Variants in HS3ST5 observed in about 807,000 individuals in gnomAD.
The protein encoded by HS3ST5 is heparan sulfate-glucosamine 3-sulfotransferase 5.
Under a neutral mutation model 25.4 loss-of-function variants are expected in HS3ST5, and 10 were observed. The observed-to-expected ratio is 0.39, with a 90% CI of 0.24 to 0.67. The LOEUF (loss-of-function observed/expected upper bound fraction) is 0.67. Among genes scored for constraint, HS3ST5 ranks in the 30% least tolerant of loss-of-function variants. The pLI, the probability that HS3ST5 is intolerant of heterozygous loss-of-function variation, is 0.44. For missense variants in HS3ST5, 324 were observed against 420.7 expected, an observed-to-expected ratio of 0.77 and a Z score of 2.01; for synonymous variants, 170 against 162.4, an observed-to-expected ratio of 1.05 and a Z score of -0.36.
At chr6:114,161,813 C>T (rs748459681) in intron 3 of HS3ST5, among the ~76,000 whole-genome samples, 3 of 150,968 alleles carry the variant, frequency 2.0e-5, no homozygotes, top group East Asian at 2.0e-4. Context: ...TGGAAAGTAA[C>T]GTAATTATTA....
intron 1 of HS3ST5, among the ~76,000 whole-genome samples, chr6:114,232,634 C>T (rs1438672371): frequency 6.6e-6 from 1 of 152,160 alleles, no homozygotes; most frequent in Non-Finnish European, 1.5e-5. Context: ...GTAAACAGCC[C>T]CATCAGTCAT....
chr6:114,295,584 T>C (rs1774783169), intron 1 of HS3ST5, among the ~76,000 whole-genome samples: 1 of 152,212 alleles, frequency 6.6e-6, no homozygotes, highest in Non-Finnish European at 1.5e-5. Flanking sequence ...GATTGTTGTA[T>C]AATAAGGTCA....
chr6:114,217,563 C>A (rs929502784), intron 2 of HS3ST5, among the ~76,000 whole-genome samples: 3 of 152,126 alleles, frequency 2.0e-5, no homozygotes, highest in African/African-American at 7.2e-5. Flanking sequence ...CAAGAGAGAC[C>A]ATTTGGAATA....
intron 3 of HS3ST5, among the ~76,000 whole-genome samples, chr6:114,107,569 G>A (rs1776055160): frequency 6.6e-6 from 1 of 152,164 alleles, no homozygotes; most frequent in East Asian, 1.9e-4. Context: ...GATTGGATAG[G>A]GAGTGGTAAA....
chr6:114,128,289 A>G (rs887455219), intron 3 of HS3ST5, among the ~76,000 whole-genome samples: 1 of 152,320 alleles, frequency 6.6e-6, no homozygotes, highest in Non-Finnish European at 1.5e-5. Context: ...TGATTATTTT[A>G]TGTAAATACA....
At chr6:114,313,822 T>C (rs1775637678) in intron 1 of HS3ST5, among the ~76,000 whole-genome samples, 1 of 152,192 alleles carries the variant, frequency 6.6e-6, no homozygotes, top group South Asian at 2.1e-4. Context: ...GATCGAGTAA[T>C]TAAAATCAGA....
intron 1 of HS3ST5, among the ~76,000 whole-genome samples, chr6:114,326,151 G>A (rs532484088): frequency 5.9e-5 from 9 of 151,590 alleles, no homozygotes; most frequent in African/African-American, 1.7e-4. Flanking sequence ...TCCTTTGGGA[G>A]GGTGAACTGG....
chr6:114,277,383 G>A (rs1246812897), intron 1 of HS3ST5, among the ~76,000 whole-genome samples: 1 of 146,290 alleles, frequency 6.8e-6, no homozygotes, highest in Admixed American at 6.8e-5. Flanking sequence ...TTTACAAGAG[G>A]AAATATTAGG....
chr6:114,252,145 C>T (rs1772692520), intron 1 of HS3ST5, among the ~76,000 whole-genome samples: 2 of 126,762 alleles, frequency 1.6e-5, no homozygotes, highest in South Asian at 5.2e-4. Context: ...GAAAGTTGTT[C>T]AGGCTCATCT....
intron 1 of HS3ST5, among the ~76,000 whole-genome samples, chr6:114,309,578 C>T (rs1383355089): frequency 6.6e-6 from 1 of 152,058 alleles, no homozygotes; most frequent in Non-Finnish European, 1.5e-5. Context: ...ATTAAAAATA[C>T]AAAAATTAAC....
At chr6:114,244,234 C>T (rs1357653652) in intron 1 of HS3ST5, among the ~76,000 whole-genome samples, 6 of 152,142 alleles carry the variant, frequency 3.9e-5, no homozygotes, top group African/African-American at 9.7e-5. Context: ...TTTAGCAATA[C>T]CATCTCTCTT....
chr6:114,339,167 A>G (rs189670976), intron 1 of HS3ST5, among the ~76,000 whole-genome samples: 6 of 152,306 alleles, frequency 3.9e-5, no homozygotes, highest in Admixed American at 3.9e-4. Context: ...AATGAAATAT[A>G]GAAATATTCA....
chr6:114,092,682 T>G (rs1043725158), intron 3 of HS3ST5, among the ~76,000 whole-genome samples: 1 of 151,316 alleles, frequency 6.6e-6, no homozygotes, highest in African/African-American at 2.4e-5. Context: ...TTATTTTGTT[T>G]TTTTTTTTTT....
intron 2 of HS3ST5, among the ~76,000 whole-genome samples, chr6:114,222,519 G>A (rs180827227): frequency 6.6e-6 from 1 of 151,912 alleles, no homozygotes; most frequent in African/African-American, 2.4e-5. Context: ...CTCACATCAA[G>A]CCACTATCAT....
chr6:114,253,442 G>C (rs1047222926), intron 1 of HS3ST5, among the ~76,000 whole-genome samples: 7 of 152,120 alleles, frequency 4.6e-5, no homozygotes, highest in Non-Finnish European at 8.8e-5. Context: ...TGTTTGGAGT[G>C]GGGTAGGGAG....
chr6:114,272,373 C>T (rs1773671730), intron 1 of HS3ST5, among the ~76,000 whole-genome samples: 2 of 152,052 alleles, frequency 1.3e-5, no homozygotes, highest in African/African-American at 2.4e-5. Context: ...CTCTCAATCC[C>T]CTCTAACAGG....
intron 1 of HS3ST5, among the ~76,000 whole-genome samples, chr6:114,244,095 T>C (rs916649076): frequency 7.9e-5 from 12 of 152,216 alleles, no homozygotes; most frequent in African/African-American, 1.9e-4. Context: ...AGTGAGGTTA[T>C]AGAGAGCAGG....
At chr6:114,152,449 A>G (rs934778262) in intron 3 of HS3ST5, among the ~76,000 whole-genome samples, 5 of 152,170 alleles carry the variant, frequency 3.3e-5, no homozygotes, top group Non-Finnish European at 7.3e-5. Context: ...TTTTGAGGAT[A>G]TCATTTCCTG....
chr6:114,341,667 T>C (rs1776884301), intron 1 of HS3ST5, among the ~76,000 whole-genome samples: 2 of 151,032 alleles, frequency 1.3e-5, no homozygotes, highest in African/African-American at 4.9e-5. Context: ...GGGGGCCAGC[T>C]GGGAAGAGAA....
Sources: allele counts gnomAD v4.1 joint callset (sites outside exome capture counted in the v4.1 genomes callset), GRCh38; gene constraint gnomAD v4.1.1; transcripts MANE v1.5; gene names NCBI Gene and HGNC (gene_info 2026-07-23, HGNC 2026-07-21).